ASAP2: variants seen among roughly 807,000 people sequenced by gnomAD.
ASAP2 encodes the protein ArfGAP with SH3 domain, ankyrin repeat and PH domain 2, also known as arf-GAP with SH3 domain, ANK repeat and PH domain-containing protein 2.
In ASAP2, 45 loss-of-function variants were observed where a neutral mutation model predicts 131.4. That is an observed-to-expected ratio of 0.34 (90% CI 0.27 to 0.44). The LOEUF is 0.44. Among genes scored for constraint, ASAP2 ranks in the 20% least tolerant of loss-of-function variants. ASAP2 has a pLI of 1.00. For missense variants in ASAP2, 1,011 were observed against 1,297.0 expected (o/e 0.78, Z 3.39); for synonymous variants, 510 against 503.0 (o/e 1.01, Z -0.19).
chr2:9,336,124 A>G (rs779384449), intron 9 of ASAP2: 1 of 152,246 alleles, frequency 6.6e-6, no homozygotes, highest in Non-Finnish European at 1.5e-5. Context: ...TTCCTTTTAT[A>G]TATTAATGGT....
chr2:9,355,574 T>C (rs1255136596), intron 12 of ASAP2, among the ~76,000 whole-genome samples: 1 of 152,256 alleles, frequency 6.6e-6, no homozygotes, highest in African/African-American at 2.4e-5. Flanking sequence ...AACACACTCC[T>C]CTTGATTTAG....
chr2:9,297,552 C>G, intron 3 of ASAP2, 107 bp downstream of exon 3: 1 of 1,289,022 alleles, frequency 7.8e-7, no homozygotes. Flanking sequence ...TTTCATAGTT[C>G]CTTGGGTACC....
rs1228699625 is a variant in ASAP2, at chr2:9,403,651, G to A, written c.*324G>A. ...TAAACCTAAAAATGTTTGCATTAAT[G>A]AATAAATTCTTCCTGCATTCCTTGG... On this transcript the variant is annotated 3_prime_UTR_variant, in exon 28 of 28. Coordinates refer to ENST00000281419, the MANE Select transcript of ASAP2 (RefSeq NM_003887.3). 2 of 251,116 alleles carry A rather than the reference G, an allele frequency of 8.0e-6. No individual in the cohort carries two copies. The highest frequency in any genetic ancestry group is 4.5e-5 in the African/African-American group (2 of 44,124). The allele number at this position is 251,116 out of a possible 1,614,324, so 15.6% of individuals were successfully genotyped here. A position where few individuals can be genotyped will look rare whatever the true frequency, so the allele number is the denominator to read the frequency against.
rs114633245 is a variant in ASAP2 at position 9,379,130 on chromosome 2, C to T, written c.1948+71C>T. 1,105 of 1,148,428 alleles carry T rather than the reference C, an allele frequency of 9.6e-4. 11 individuals carry two copies. In the African/African-American group the frequency reaches 0.016, roughly 17 times the overall value. The allele number at this position is 1,148,428 out of a possible 1,614,324, so 71.1% of individuals were successfully genotyped here. A position where few individuals can be genotyped will look rare whatever the true frequency, so the allele number is the denominator to read the frequency against. Reference sequence around the variant, plus strand: ...CTCTGCCTCCTGTCTGCCATCCAAGCGCTGCTCTTGGAAACAGGGCCAACC... The same window carrying T: ...CTCTGCCTCCTGTCTGCCATCCAAGTGCTGCTCTTGGAAACAGGGCCAACC... On this transcript the variant is annotated intron_variant, in intron 19 of 27. Coordinates refer to ENST00000281419, the MANE Select transcript of ASAP2 (RefSeq NM_003887.3).
At chr2:9,238,392 C>T (rs984207841) in intron 1 of ASAP2, among the ~76,000 whole-genome samples, 7 of 152,300 alleles carry the variant, frequency 4.6e-5, no homozygotes, top group African/African-American at 1.7e-4. Flanking sequence ...CTTTTGTAAA[C>T]AAATTGTCCA....
chr2:9,381,337 G>A (rs2148743879), intron 20 of ASAP2, among the ~76,000 whole-genome samples: 1 of 152,336 alleles, frequency 6.6e-6, no homozygotes, highest in East Asian at 1.9e-4. Context: ...AACTCTCTTA[G>A]GCTGTTTCCT....
chr2:9,286,259 A>C (rs1667452741), intron 2 of ASAP2, among the ~76,000 whole-genome samples: 1 of 152,024 alleles, frequency 6.6e-6, no homozygotes. Context: ...TTAGCTGGGC[A>C]TGATGGTGTA....
At chr2:9,224,317 C>T (rs545931802) in intron 1 of ASAP2, among the ~76,000 whole-genome samples, 8 of 152,162 alleles carry the variant, frequency 5.3e-5, no homozygotes, top group African/African-American at 1.9e-4. Context: ...TAGTTTTCCT[C>T]TGAAACCCCC....
chr2:9,359,030 A>G (rs1672906335), intron 15 of ASAP2, 141 bp downstream of exon 15: 4 of 1,071,784 alleles, frequency 3.7e-6, no homozygotes, highest in South Asian at 1.8e-5. Context: ...AAACTCATTG[A>G]TAATTCTTCA....
intron 16 of ASAP2, 139 bp downstream of exon 16, chr2:9,368,658 CT>C: frequency 1.4e-6 from 1 of 700,764 alleles, no homozygotes; most frequent in Non-Finnish European, 2.4e-6. Flanking sequence ...GTTGGGTTTT[CT>C]TAGTCACTTT....
chr2:9,208,870 T>C (rs963461021), intron 1 of ASAP2, among the ~76,000 whole-genome samples: 4 of 152,264 alleles, frequency 2.6e-5, no homozygotes, highest in African/African-American at 7.2e-5. Context: ...GCATGATGTC[T>C]TTCTTTAGAA....
intron 3 of ASAP2, among the ~76,000 whole-genome samples, chr2:9,317,984 T>A (rs1669909894): frequency 1.4e-5 from 2 of 144,784 alleles, no homozygotes; most frequent in African/African-American, 2.5e-5. Context: ...TGACACACAC[T>A]CTCCGTCCCC....
chr2:9,383,455 T>G (rs1020748291), intron 20 of ASAP2, among the ~76,000 whole-genome samples: 5 of 152,072 alleles, frequency 3.3e-5, no homozygotes, highest in Non-Finnish European at 7.3e-5. Flanking sequence ...TGATGGGGTC[T>G]CGCTATGTTG....
chr2:9,310,614 C>G (rs1289328946), intron 3 of ASAP2, among the ~76,000 whole-genome samples: 5 of 152,196 alleles, frequency 3.3e-5, no homozygotes. Context: ...CAGAAGGCAG[C>G]ACTGCAGCTC....
intron 1 of ASAP2, among the ~76,000 whole-genome samples, chr2:9,249,821 C>T (rs1032403497): frequency 6.6e-6 from 1 of 151,566 alleles, no homozygotes; most frequent in Non-Finnish European, 1.5e-5. Flanking sequence ...GACCGAGGGG[C>T]ATGATTAGAG....
intron 1 of ASAP2, among the ~76,000 whole-genome samples, chr2:9,242,156 T>C (rs1453024059): frequency 6.6e-6 from 1 of 152,210 alleles, no homozygotes; most frequent in East Asian, 1.9e-4. Context: ...AATGAAACTT[T>C]TTTTTTATTT....
intron 12 of ASAP2, among the ~76,000 whole-genome samples, chr2:9,354,013 T>C (rs146750323): frequency 1.1e-3 from 164 of 152,308 alleles, no homozygotes; most frequent in African/African-American, 3.2e-3. Flanking sequence ...CATGGGCTTT[T>C]CTAGGAGGAT....
At chr2:9,380,229 G>A (rs773134227) in intron 19 of ASAP2, among the ~76,000 whole-genome samples, 10 of 152,030 alleles carry the variant, frequency 6.6e-5, no homozygotes, top group East Asian at 5.8e-4. Context: ...GCAGAGTCTC[G>A]CTCTGTCACC....
chr2:9,285,045 C>T (rs1377948971), intron 2 of ASAP2, among the ~76,000 whole-genome samples: 1 of 152,154 alleles, frequency 6.6e-6, no homozygotes, highest in East Asian at 1.9e-4. Flanking sequence ...GTGATGGTCT[C>T]TGGAGATGGG....
Sources: gnomAD v4.1 joint callset for allele counts (sites outside exome capture counted in the v4.1 genomes callset) on GRCh38, gnomAD v4.1.1 for gene constraint, MANE v1.5 for transcripts, NCBI Gene and HGNC (gene_info 2026-07-23, HGNC 2026-07-21) for gene names.